Variants in CASK observed in about 807,000 individuals in gnomAD.
CASK encodes the protein peripheral plasma membrane protein CASK.
CASK carries 4 observed loss-of-function variants against 82.9 expected under a neutral mutation model. The ratio of observed to expected loss-of-function variants is 0.05; its 90% CI spans 0.02 to 0.11. The LOEUF is 0.11. Among genes scored for constraint, CASK ranks in the 10% least tolerant of loss-of-function variants. The pLI is 1.00. For synonymous variants in CASK, 259 were observed against 253.5 expected, an observed-to-expected ratio of 1.02 and a Z score of -0.20; for missense variants, 358 against 720.9, an observed-to-expected ratio of 0.50 and a Z score of 5.76.
rs190620850 is a variant in CASK at position 41,911,056 on chromosome X, A to G, written c.59+11874T>C. 5.4e-4 allele frequency among the ~76,000 whole-genome samples: 60 copies of G among 112,071 alleles called. No homozygotes were observed. In the East Asian group the frequency reaches 0.015, roughly 28 times the overall value. On this transcript the variant is annotated intron_variant, in intron 1 of 26. Coordinates refer to ENST00000378163, the MANE Select transcript of CASK (RefSeq NM_001367721.1). Reference sequence around the variant, plus strand: ...AAATTTATATGAAATGTAATTAAAGAAAGTCCTCAGTGAAAACAGCTTCTT... The same window carrying G: ...AAATTTATATGAAATGTAATTAAAGGAAGTCCTCAGTGAAAACAGCTTCTT...
In CASK at chrX:41,725,933, C is replaced by T. The variant is rs138340213; in HGVS notation, c.429+13451G>A. 1.2e-3 allele frequency among the ~76,000 whole-genome samples: 139 copies of T among 111,493 alleles called. 2 individuals are homozygous for T. Among genetic ancestry groups the T allele is most frequent in the African/African-American group, 4.4e-3 (134 of 30,662 alleles). On this transcript the variant is annotated intron_variant, in intron 5 of 26. Coordinates refer to ENST00000378163, the MANE Select transcript of CASK (RefSeq NM_001367721.1). Reference sequence around the variant, plus strand: ...GTAGAATGATCATAGCTCACTGCAGCCTTGAACTCCTAGGCTCAACTGATC... The same window carrying T: ...GTAGAATGATCATAGCTCACTGCAGTCTTGAACTCCTAGGCTCAACTGATC...
At chrX:41,640,964 T>C (rs975161558) in intron 8 of CASK, among the ~76,000 whole-genome samples, 1 of 106,506 alleles carries the variant, frequency 9.4e-6, no homozygotes, top group African/African-American at 3.4e-5. Context: ...AAAAGTCTGT[T>C]AAGGTATCTC....
chrX:41,550,733 C>CA (rs1251401309), intron 21 of CASK, among the ~76,000 whole-genome samples: 2,446 of 59,290 alleles, frequency 0.041, 59 homozygotes, highest in African/African-American at 0.1. Flanking sequence ...CTCATCTCTA[C>CA]AAAAAAAAAA....
At chrX:41,777,128 C>A (rs1195495694) in intron 3 of CASK, among the ~76,000 whole-genome samples, 1 of 111,922 alleles carries the variant, frequency 8.9e-6, no homozygotes, top group Non-Finnish European at 1.9e-5. Flanking sequence ...AATAAAGGAA[C>A]AGCTGCACAA....
At chrX:41,913,810 T>C (rs751224534) in intron 1 of CASK, among the ~76,000 whole-genome samples, 6 of 112,398 alleles carry the variant, frequency 5.3e-5, no homozygotes, top group Admixed American at 2.8e-4. Context: ...GCAGCTATCA[T>C]TCCTTTTATA....
chrX:41,774,296 AACAG>A (rs1190146076), intron 3 of CASK, among the ~76,000 whole-genome samples: 2 of 111,420 alleles, frequency 1.8e-5, no homozygotes, highest in African/African-American at 6.5e-5. Context: ...ATACACCAAT[AACAG>A]ACAAACAGCC....
chrX:41,578,265 C>T (rs1332683554), intron 15 of CASK, 75 bp downstream of exon 15: 1 of 742,884 alleles, frequency 1.3e-6, no homozygotes, highest in Non-Finnish European at 2.1e-6. Flanking sequence ...CTCCTAGTAG[C>T]ATAGGTTGAA....
chrX:41,867,974 A>G (rs1300258096), intron 1 of CASK, among the ~76,000 whole-genome samples: 2 of 112,395 alleles, frequency 1.8e-5, no homozygotes, highest in Non-Finnish European at 3.8e-5. Flanking sequence ...AACTACTTAT[A>G]TTATCCACAT....
At chrX:41,682,052 T>C (rs1158652245) in intron 5 of CASK, among the ~76,000 whole-genome samples, 22 of 83,062 alleles carry the variant, frequency 2.6e-4, no homozygotes, top group Non-Finnish European at 4.5e-4. Flanking sequence ...ATAAGGACCA[T>C]TGTAAAAAAA....
chrX:41,597,507 C>T (rs1388053396), intron 12 of CASK, among the ~76,000 whole-genome samples: 2 of 112,513 alleles, frequency 1.8e-5, no homozygotes, highest in African/African-American at 3.2e-5. Context: ...CACGGAATTA[C>T]ACTGTGTAGC....
At chrX:41,831,724 C>T (rs894109571) in intron 2 of CASK, among the ~76,000 whole-genome samples, 2 of 111,630 alleles carry the variant, frequency 1.8e-5, no homozygotes, top group Admixed American at 1.9e-4. Flanking sequence ...TTTGGGAGGC[C>T]GAGGCGGGCT....
intron 1 of CASK, among the ~76,000 whole-genome samples, chrX:41,869,828 A>AAAAAAAAAAAAAAAAAAAAAAAAAAAAC (rs2071669875): frequency 2.9e-5 from 3 of 102,536 alleles, no homozygotes; most frequent in Non-Finnish European, 6.0e-5. Flanking sequence ...AAAAAAAAAA[A>AAAAAAAAAAAAAAAAAAAAAAAAAAAAC]AAAAAAAAGC....
intron 8 of CASK, among the ~76,000 whole-genome samples, chrX:41,640,018 C>T (rs2066622311): frequency 9.0e-6 from 1 of 111,556 alleles, no homozygotes; most frequent in East Asian, 2.8e-4. Flanking sequence ...GGCTATTACA[C>T]ATAAAGTTGC....
chrX:41,824,530 T>C (rs1437781561), intron 2 of CASK, among the ~76,000 whole-genome samples: 1 of 112,530 alleles, frequency 8.9e-6, no homozygotes, highest in Non-Finnish European at 1.9e-5. Flanking sequence ...CAGTGCACAG[T>C]GGCCAGCAGC....
Position 41,713,400 on chromosome X carries a change from G to T in CASK, c.429+25984C>A, listed in dbSNP as rs186720401. Among the ~76,000 whole-genome samples, 9 of 112,183 alleles carry T rather than the reference G, an allele frequency of 8.0e-5. No individual in the cohort carries two copies. The East Asian group carries it at 2.5e-3, about 32-fold the overall frequency. On this transcript the variant is annotated intron_variant, in intron 5 of 26. Coordinates refer to ENST00000378163, the MANE Select transcript of CASK (RefSeq NM_001367721.1). Reference sequence around the variant, plus strand: ...AGGGAATGGCCAGCGTGGTGGACTGGACCTGTTTACCCTGAGAAGGGGACT... The same window carrying T: ...AGGGAATGGCCAGCGTGGTGGACTGTACCTGTTTACCCTGAGAAGGGGACT...
At chrX:41,687,144 A>G (rs1272412589) in intron 5 of CASK, among the ~76,000 whole-genome samples, 1 of 112,415 alleles carries the variant, frequency 8.9e-6, no homozygotes, top group African/African-American at 3.2e-5. Flanking sequence ...AAAATAATAT[A>G]GAAAAAAATA....
rs201815832 is a variant in CASK, at chrX:41,641,699, C to CT, written c.832-5039dup. Among the ~76,000 whole-genome samples, 529 of 110,185 alleles carry CT rather than the reference C, an allele frequency of 4.8e-3. 2 individuals are homozygous for CT. The highest frequency in any genetic ancestry group is 0.016 in the African/African-American group (497 of 30,299). ...GTTTTATCAAAGAAATAATTCCTATCTTTTTTTTAATTAAAAAACTTTACT... is the reference window on the plus strand; with the variant it reads ...GTTTTATCAAAGAAATAATTCCTATCTTTTTTTTTAATTAAAAAACTTTACT... On this transcript the variant is annotated intron_variant, in intron 8 of 26. Coordinates refer to ENST00000378163, the MANE Select transcript of CASK (RefSeq NM_001367721.1).
intron 24 of CASK, 28 bp downstream of exon 24, chrX:41,534,678 A>T: frequency 9.1e-7 from 1 of 1,102,068 alleles, no homozygotes; most frequent in South Asian, 1.8e-5. Flanking sequence ...GGAAAAATAT[A>T]ATGAAAAGAG....
intron 5 of CASK, among the ~76,000 whole-genome samples, chrX:41,712,961 C>T (rs1444159573): frequency 9.0e-6 from 1 of 111,729 alleles, no homozygotes; most frequent in Non-Finnish European, 1.9e-5. Context: ...TCACAGCCCA[C>T]TACCCACCAA....
Sources: gnomAD v4.1 joint callset for allele counts (sites outside exome capture counted in the v4.1 genomes callset) on GRCh38, gnomAD v4.1.1 for gene constraint, MANE v1.5 for transcripts, NCBI Gene and HGNC (gene_info 2026-07-23, HGNC 2026-07-21) for gene names.